The following SMARCD1 variants were observed in gnomAD, a reference collection of about 807,000 sequenced individuals.
SMARCD1 encodes the protein SWI/SNF related BAF chromatin remodeling complex subunit D1, also known as SWI/SNF-related matrix-associated actin-dependent regulator of chromatin subfamily D member 1.
Under a neutral mutation model 70.8 loss-of-function variants are expected in SMARCD1, and 16 were observed. The observed-to-expected ratio is 0.23, with a 90% CI of 0.15 to 0.34. The LOEUF (loss-of-function observed/expected upper bound fraction) is 0.34. Among genes scored for constraint, SMARCD1 ranks in the 10% least tolerant of loss-of-function variants. The pLI is 1.00. For synonymous variants in SMARCD1, 249 were observed against 246.0 expected, an observed-to-expected ratio of 1.01 and a Z score of -0.11; for missense variants, 409 against 655.5, an observed-to-expected ratio of 0.62 and a Z score of 4.11.
chr12:50,095,032 A>G (rs1406725308), intron 10 of SMARCD1, among the ~76,000 whole-genome samples: 1 of 152,172 alleles, frequency 6.6e-6, no homozygotes, highest in African/African-American at 2.4e-5. Context: ...TCCTGACCTC[A>G]AGTGATCTGC....
intron 11 of SMARCD1, among the ~76,000 whole-genome samples, chr12:50,097,394 T>C (rs1950901905): frequency 1.4e-5 from 2 of 146,062 alleles, no homozygotes; most frequent in African/African-American, 2.6e-5. Flanking sequence ...CCACTAAAAA[T>C]ACAAAAACTT....
rs1165471775 is a variant in SMARCD1 at position 50,087,002 on chromosome 12, TC to T, written c.531+126del. On this transcript the variant is annotated intron_variant, in intron 4 of 12. Transcript: ENST00000394963. ...TGGCATTTAAATTGCATCTCTCCCT[TC>T]CGCCTACAAACTGAGAATTACATTA... 1.6e-5 allele frequency: 16 copies of T among 990,298 alleles called. No individual in the cohort carries two copies. In the East Asian group the frequency reaches 4.0e-4, roughly 25 times the overall value. The allele number at this position is 990,298 out of a possible 1,614,324, so 61.3% of individuals were successfully genotyped here.
chr12:50,090,821 C>CTTTTTT lies in SMARCD1; in HGVS notation c.1133+246_1133+251dup, dbSNP rs11443542. Among the ~76,000 whole-genome samples, 87 of 102,382 alleles carry CTTTTTT rather than the reference C, an allele frequency of 8.5e-4. 5 individuals are homozygous for CTTTTTT. Among genetic ancestry groups the CTTTTTT allele is most frequent in the Non-Finnish European group, 1.1e-3 (63 of 55,322 alleles). 67.2% of individuals were successfully genotyped at this position (102,382 alleles called of 152,430 possible). A position where few individuals can be genotyped will look rare whatever the true frequency, so the allele number is the denominator to read the frequency against. On this transcript the variant is annotated intron_variant, in intron 9 of 12. Transcript: ENST00000394963. ...ATTATTACATTTTATTGTATTTGTG[C>CTTTTTT]TTTTTTTTTTTTTTTTTTTTGGAGA...
At chr12:50,086,073 C>A in intron 1 of SMARCD1, 88 bp from the exon 2 acceptor site, 1 of 1,050,788 alleles carries the variant, frequency 9.5e-7, no homozygotes, top group Non-Finnish European at 1.3e-6. Context: ...TTACTTCATT[C>A]AAAGATCTCA....
chr12:50,094,605 A>T (rs758187613), intron 10 of SMARCD1, 33 bp downstream of exon 10: 1 of 1,600,632 alleles, frequency 6.2e-7, no homozygotes, highest in East Asian at 2.2e-5. Context: ...GTTGGGTACC[A>T]CCAGCCCCTA....
At chr12:50,087,666 G>A (rs1950803660) in intron 5 of SMARCD1, among the ~76,000 whole-genome samples, 181 bp downstream of exon 5, 1 of 152,112 alleles carries the variant, frequency 6.6e-6, no homozygotes, top group Non-Finnish European at 1.5e-5. Flanking sequence ...CACACCTTTG[G>A]CCCTCACTGG....
chr12:50,091,076 T>C (rs1489879674), intron 9 of SMARCD1, among the ~76,000 whole-genome samples: 1 of 151,980 alleles, frequency 6.6e-6, no homozygotes, highest in Non-Finnish European at 1.5e-5. Flanking sequence ...CCGCCGAGCC[T>C]CGTGATCTGC....
In SMARCD1 at chr12:50,086,678, T is replaced by TA; in HGVS notation, c.408+16dup. On this transcript the variant is annotated intron_variant, in intron 3 of 12. Transcript: ENST00000394963. ...TACCTCAAAGGGTGAGTCCAGGCTATATGTCTTCTGGAAAGTGTGGTGAGT... is the reference window on the plus strand; with the variant it reads ...TACCTCAAAGGGTGAGTCCAGGCTATAATGTCTTCTGGAAAGTGTGGTGAGT... 6.2e-7 allele frequency: 1 copy of TA among 1,613,906 alleles called. No homozygotes were observed. The highest frequency in any genetic ancestry group is 8.5e-7 in the Non-Finnish European group (1 of 1,179,772).
At position 50,094,569 on chromosome 12, in the gene SMARCD1, C is replaced by T. The variant is rs754394828; in HGVS notation, c.1266C>T (p.Asn422=). 7 of 1,613,954 alleles carry T rather than the reference C, an allele frequency of 4.3e-6. No homozygotes were observed. The African/African-American group carries it at 8.0e-5, about 18-fold the overall frequency. The change falls in exon 10 of 13, where the codon AAC becomes AAT. Residue 422 remains asparagine (N), a synonymous_variant. Transcript: ENST00000394963. ...AACAGGAGATTGCTACTCTAGACAA[C>T]AAGGTAGGGGTCTGTGCCCTGGATA... ...ASQQEIATLD[N]KIHETIETIN... is the part of the protein sequence containing the mutation.
chr12:50,092,240 T>TC (rs1367566937), intron 9 of SMARCD1, among the ~76,000 whole-genome samples: 1 of 138,256 alleles, frequency 7.2e-6, no homozygotes, highest in East Asian at 2.0e-4. Context: ...TCTTTCTTTT[T>TC]TTTTTTTTTT....
At chr12:50,087,054 G>A in intron 4 of SMARCD1, 176 bp downstream of exon 4, 1 of 708,114 alleles carries the variant, frequency 1.4e-6, no homozygotes, top group South Asian at 1.9e-5. Context: ...AATGGCAAAG[G>A]GGGAGGGGCT....
At chr12:50,095,332 CTT>C (rs889399746) in intron 10 of SMARCD1, among the ~76,000 whole-genome samples, 10 of 144,558 alleles carry the variant, frequency 6.9e-5, no homozygotes, top group Middle Eastern at 3.6e-3. Context: ...TAAATCTTTT[CTT>C]TTTTTTTTTT....
intron 11 of SMARCD1, chr12:50,098,364 C>G (rs963629388): frequency 1.0e-5 from 3 of 292,150 alleles, no homozygotes. Flanking sequence ...AGACTCTGTT[C>G]TGTGCATCTC....
At position 50,090,244 on chromosome 12, in the gene SMARCD1, C is replaced by G; in HGVS notation, c.877C>G (p.Pro293Ala). 2 of 1,610,860 alleles carry G rather than the reference C, an allele frequency of 1.2e-6. No individual in the cohort carries two copies. The highest frequency in any genetic ancestry group is 1.7e-6 in the Non-Finnish European group (2 of 1,178,532). The stretch of plus-strand genomic sequence containing the variant: ...CCTATACTTTGGTTCCCTGCAGCCT[C>G]CCCAGTTTAAATTAGACCCCCGCCT... ...TVLLMLDYQP[P>A]QFKLDPRLAR... is the part of the protein sequence containing the mutation. Residue 293 changes from proline to alanine, a missense_variant, in exon 8 of 13, where the codon CCC becomes GCC. Around this residue, in one of 2 missense-constraint regions of SMARCD1, gnomAD observed 269 missense variants for 498.6 expected, o/e 0.54. Transcript: ENST00000394963.
chr12:50,095,331 T>C (rs1950882986), intron 10 of SMARCD1, among the ~76,000 whole-genome samples: 1 of 151,790 alleles, frequency 6.6e-6, no homozygotes, highest in South Asian at 2.1e-4. Context: ...CTAAATCTTT[T>C]CTTTTTTTTT....
Position 50,086,367 on chromosome 12 carries a change from A to AGAGGGAGG in SMARCD1, c.365+31_365+38dup. 1 of 709,674 alleles carries AGAGGGAGG rather than the reference A, an allele frequency of 1.4e-6. No individual in the cohort carries two copies. The highest frequency in any genetic ancestry group is 2.5e-6 in the Non-Finnish European group (1 of 404,656). 44.0% of individuals were successfully genotyped at this position (709,674 alleles called of 1,614,324 possible). ...ACCACAAGTAAGATGATCCTGGGGC[A>AGAGGGAGG]GAGGGAGGGAGGGAGGGAGCCTGGG... On this transcript the variant is annotated intron_variant, in intron 2 of 12. Coordinates refer to ENST00000394963, the MANE Select transcript of SMARCD1 (RefSeq NM_003076.5).
Position 50,094,542 on chromosome 12 carries a change from C to G in SMARCD1, c.1239C>G (p.Ser413Arg). 6.2e-7 allele frequency: 1 copy of G among 1,614,088 alleles called. No homozygotes were observed. Among genetic ancestry groups the G allele is most frequent in the Non-Finnish European group, 8.5e-7 (1 of 1,179,984 alleles). ...QMNSFLLSTA[S>R]QQEIATLDNK... The stretch of plus-strand genomic sequence containing the variant: ...ATTCTTTTCTGCTGTCCACTGCCAG[C>G]CAACAGGAGATTGCTACTCTAGACA... Residue 413 changes from serine to arginine, a missense_variant, in exon 10 of 13, where the codon AGC (serine) becomes AGG (arginine). This residue lies in a region of SMARCD1 where 269 missense variants were observed against 498.6 expected (regional missense o/e 0.54). Coordinates refer to ENST00000394963, the MANE Select transcript of SMARCD1 (RefSeq NM_003076.5).
At chr12:50,097,425 G>A (rs1225755090) in intron 11 of SMARCD1, among the ~76,000 whole-genome samples, 1 of 151,922 alleles carries the variant, frequency 6.6e-6, no homozygotes, top group Non-Finnish European at 1.5e-5. Flanking sequence ...GGTGGTGCGC[G>A]CCTGTAATCC....
In SMARCD1 at chr12:50,086,431, T is replaced by G. The variant is rs149214630; in HGVS notation, c.365+83T>G. On this transcript the variant is annotated intron_variant, in intron 2 of 12. Transcript: ENST00000394963. ...TGGGAGTACCTGAACCAAGAAGTGG[T>G]GGTGCTGTGTCAGCAGATGGTGCTA... 1,483 of 1,341,428 alleles carry G rather than the reference T, an allele frequency of 1.1e-3. 20 individuals carry two copies. The African/African-American group carries it at 0.019, about 18-fold the overall frequency. 83.1% of individuals were successfully genotyped at this position (1,341,428 alleles called of 1,614,324 possible). A position where few individuals can be genotyped will look rare whatever the true frequency, so the allele number is the denominator to read the frequency against.
Sources: allele counts gnomAD v4.1 joint callset (sites outside exome capture counted in the v4.1 genomes callset), GRCh38; gene constraint gnomAD v4.1.1; regional missense constraint gnomAD v4.1.1; transcripts MANE v1.5; gene names NCBI Gene and HGNC (gene_info 2026-07-23, HGNC 2026-07-21).